Variants in CTNND2 observed in about 807,000 individuals in gnomAD.
The protein encoded by CTNND2 is catenin delta-2.
In CTNND2, 22 loss-of-function variants were observed where a neutral mutation model predicts 144.4. The observed-to-expected ratio is 0.15, with a 90% CI of 0.11 to 0.22. The LOEUF (loss-of-function observed/expected upper bound fraction) is 0.22. Among genes scored for constraint, CTNND2 ranks in the 10% least tolerant of loss-of-function variants. The pLI is 1.00. For missense variants in CTNND2, 1,353 were observed against 1,618.8 expected, an observed-to-expected ratio of 0.84 and a Z score of 2.82; for synonymous variants, 751 against 695.6, an observed-to-expected ratio of 1.08 and a Z score of -1.25.
At chr5:11,264,554 ACAC>A (rs1745248353) in intron 9 of CTNND2, among the ~76,000 whole-genome samples, 1 of 152,224 alleles carries the variant, frequency 6.6e-6, no homozygotes, top group Non-Finnish European at 1.5e-5. Flanking sequence ...GTTTCAACTG[ACAC>A]CACATCTCCA....
intron 13 of CTNND2, among the ~76,000 whole-genome samples, chr5:11,111,728 G>T (rs934066820): frequency 3.9e-5 from 6 of 152,174 alleles, no homozygotes; most frequent in African/African-American, 1.4e-4. Context: ...ACATCTCTGG[G>T]ACATGGTGTA....
intron 9 of CTNND2, among the ~76,000 whole-genome samples, chr5:11,275,244 A>C (rs1347773384): frequency 2.0e-5 from 3 of 152,186 alleles, no homozygotes; most frequent in Non-Finnish European, 2.9e-5. Flanking sequence ...CAAAGACACA[A>C]GTAAGTGGTC....
intron 1 of CTNND2, among the ~76,000 whole-genome samples, chr5:11,762,653 C>T (rs1204612249): frequency 2.0e-5 from 3 of 152,130 alleles, no homozygotes; most frequent in Non-Finnish European, 4.4e-5. Context: ...TTTGTAATGA[C>T]CTTCTGAGTT....
At chr5:11,603,702 G>A (rs993150265) in intron 2 of CTNND2, among the ~76,000 whole-genome samples, 1 of 152,154 alleles carries the variant, frequency 6.6e-6, no homozygotes, top group Non-Finnish European at 1.5e-5. Context: ...ACAGTTCAGA[G>A]AAGTCTATTA....
At chr5:11,127,037 G>A (rs1231797621) in intron 12 of CTNND2, among the ~76,000 whole-genome samples, 3 of 152,234 alleles carry the variant, frequency 2.0e-5, no homozygotes, top group South Asian at 2.1e-4. Flanking sequence ...ACGCACATCC[G>A]TGCAGGGGTG....
chr5:11,128,749 A>ATTATATATATG (rs1264762783), intron 12 of CTNND2, among the ~76,000 whole-genome samples: 1 of 59,502 alleles, frequency 1.7e-5, no homozygotes, highest in Non-Finnish European at 2.6e-5. Flanking sequence ...ATTTATATAT[A>ATTATATATATG]TTATATATAA....
intron 8 of CTNND2, among the ~76,000 whole-genome samples, chr5:11,361,866 A>G (rs960840026): frequency 8.5e-5 from 13 of 152,224 alleles, no homozygotes; most frequent in African/African-American, 2.9e-4. Flanking sequence ...CCTTGAAGGG[A>G]AGCAACTGGT....
At chr5:11,889,346 T>C (rs1736793334) in intron 1 of CTNND2, among the ~76,000 whole-genome samples, 1 of 152,178 alleles carries the variant, frequency 6.6e-6, no homozygotes, top group African/African-American at 2.4e-5. Flanking sequence ...TAAGATACAA[T>C]TTAGAGCAGA....
intron 2 of CTNND2, among the ~76,000 whole-genome samples, chr5:11,653,811 C>T (rs937776726): frequency 1.3e-4 from 19 of 151,592 alleles, no homozygotes; most frequent in African/African-American, 4.4e-4. Flanking sequence ...CACAAAATCA[C>T]TGCCAAGATC....
chr5:11,236,798 G>A lies in CTNND2; in HGVS notation c.1654C>T (p.Leu552=). ...PREFGWRDPE[L]PEVIQMLQHQ... is the part of the protein sequence containing the mutation. ...TGCAACATCTGAATCACTTCCGGCA[G>A]TTCCGGGTCTCTCCATCCAAATTCT... The change falls in exon 10 of 22, where the codon CTG becomes TTG. Residue 552 remains leucine (L), a synonymous_variant. Transcript: ENST00000304623. 3 of 1,614,184 alleles carry A rather than the reference G, an allele frequency of 1.9e-6. No individual in the cohort carries two copies. Among genetic ancestry groups the A allele is most frequent in the Non-Finnish European group, 1.7e-6 (2 of 1,180,024 alleles).
chr5:11,090,192 C>T (rs965564822), intron 15 of CTNND2, among the ~76,000 whole-genome samples: 5 of 152,266 alleles, frequency 3.3e-5, no homozygotes, highest in East Asian at 1.9e-4. Flanking sequence ...GTGGCATGTC[C>T]GGAGCCACCA....
chr5:11,858,253 G>T (rs945809692), intron 1 of CTNND2, among the ~76,000 whole-genome samples: 1 of 152,130 alleles, frequency 6.6e-6, no homozygotes, highest in East Asian at 1.9e-4. Flanking sequence ...ACAAAAATAG[G>T]TGGCAAAGTT....
intron 3 of CTNND2, among the ~76,000 whole-genome samples, chr5:11,479,537 A>G (rs1768055206): frequency 6.6e-6 from 1 of 152,168 alleles, no homozygotes; most frequent in Non-Finnish European, 1.5e-5. Context: ...GCTGCGTCCA[A>G]TGGTAGTTCT....
intron 14 of CTNND2, among the ~76,000 whole-genome samples, chr5:11,104,508 T>A (rs1036172589): frequency 1.3e-5 from 2 of 152,144 alleles, no homozygotes; most frequent in African/African-American, 4.8e-5. Context: ...GCAGAGTTAT[T>A]ACATAATTTG....
At chr5:11,291,281 T>C (rs1748324893) in intron 9 of CTNND2, among the ~76,000 whole-genome samples, 1 of 152,148 alleles carries the variant, frequency 6.6e-6, no homozygotes, top group Admixed American at 6.5e-5. Flanking sequence ...ATTAAATATA[T>C]TTTCCCATCA....
In CTNND2 at chr5:11,018,061, G is replaced by A; in HGVS notation, c.3000-3C>T. 1.2e-6 allele frequency: 2 copies of A among 1,610,590 alleles called. No individual in the cohort carries two copies. The highest frequency in any genetic ancestry group is 1.7e-6 in the Non-Finnish European group (2 of 1,177,006). On this transcript the variant is annotated splice_region_variant and splice_polypyrimidine_tract_variant and intron_variant, in intron 17 of 21. Coordinates refer to ENST00000304623, the MANE Select transcript of CTNND2 (RefSeq NM_001332.4). Reference sequence around the variant, plus strand: ...CCTTGACCACTTTTGGAGAGTGTCTGATGAAGAAAAGACAGGAAAGGCAAG... The same window carrying A: ...CCTTGACCACTTTTGGAGAGTGTCTAATGAAGAAAAGACAGGAAAGGCAAG...
At chr5:11,092,948 T>C (rs1043917856) in intron 15 of CTNND2, among the ~76,000 whole-genome samples, 2 of 152,208 alleles carry the variant, frequency 1.3e-5, no homozygotes, top group Non-Finnish European at 2.9e-5. Context: ...CTGTTATCTC[T>C]CTCTCTAAGG....
intron 1 of CTNND2, among the ~76,000 whole-genome samples, chr5:11,842,554 C>T (rs555042401): frequency 4.5e-4 from 69 of 151,884 alleles, no homozygotes; most frequent in African/African-American, 1.5e-3. Flanking sequence ...CCCATCTCTA[C>T]TAAAAATACA....
chr5:11,411,988 G>C (rs1173305339), intron 4 of CTNND2, 47 bp downstream of exon 4: 2 of 1,466,220 alleles, frequency 1.4e-6, no homozygotes, highest in Non-Finnish European at 1.9e-6. Context: ...GTCATCAGTA[G>C]AGATATGTTT....
Sources: allele counts gnomAD v4.1 joint callset (sites outside exome capture counted in the v4.1 genomes callset), GRCh38; gene constraint gnomAD v4.1.1; transcripts MANE v1.5; gene names NCBI Gene and HGNC (gene_info 2026-07-23, HGNC 2026-07-21).